ERC1: variants seen among roughly 807,000 people sequenced by gnomAD.
The protein encoded by ERC1 is ELKS/RAB6-interacting/CAST family member 1, also known as RAB6 interacting protein 2.
ERC1 carries 56 observed loss-of-function variants against 132.0 expected under a neutral mutation model. The observed-to-expected ratio is 0.42, with a 90% CI of 0.34 to 0.53. ERC1 has a LOEUF of 0.53. Ranked by LOEUF, ERC1 falls within the 20% of genes least tolerant of loss-of-function variation. ERC1 has a pLI of 0.03. For missense variants in ERC1, 1,202 were observed against 1,349.9 expected, an observed-to-expected ratio of 0.89 and a Z score of 1.72; for synonymous variants, 478 against 476.1, an observed-to-expected ratio of 1.00 and a Z score of -0.05.
intron 8 of ERC1, among the ~76,000 whole-genome samples, chr12:1,161,028 G>A (rs1951839052): frequency 6.6e-6 from 1 of 152,138 alleles, no homozygotes; most frequent in African/African-American, 2.4e-5. Flanking sequence ...TTTCCTTAAT[G>A]AGTACATTTG....
At chr12:1,484,911 C>T (rs548092604) in intron 18 of ERC1, among the ~76,000 whole-genome samples, 26 of 147,224 alleles carry the variant, frequency 1.8e-4, no homozygotes, top group Non-Finnish European at 3.1e-4. Flanking sequence ...GACAGGGTCT[C>T]GCTGTGTTGC....
chr12:1,381,942 G>C (rs988122230), intron 16 of ERC1, among the ~76,000 whole-genome samples: 2 of 122,360 alleles, frequency 1.6e-5, no homozygotes, highest in Admixed American at 7.4e-5. Context: ...GAAAGAGAAA[G>C]AAACTTTTCA....
At chr12:1,017,180 A>G (rs1328105053) in intron 1 of ERC1, among the ~76,000 whole-genome samples, 1 of 151,856 alleles carries the variant, frequency 6.6e-6, no homozygotes, top group African/African-American at 2.4e-5. Context: ...TATTTTTAGT[A>G]GAGACGGGGT....
chr12:1,447,458 A>G (rs1317954069), intron 18 of ERC1, among the ~76,000 whole-genome samples: 2 of 150,580 alleles, frequency 1.3e-5, no homozygotes, highest in Non-Finnish European at 3.0e-5. Flanking sequence ...CGTGGCTACA[A>G]TGAGCTGAGA....
chr12:1,239,640 C>T (rs560468429), intron 13 of ERC1, among the ~76,000 whole-genome samples: 1 of 152,288 alleles, frequency 6.6e-6, no homozygotes. Flanking sequence ...ATTGCTTTAT[C>T]CCAGGAGTTC....
intron 16 of ERC1, among the ~76,000 whole-genome samples, chr12:1,396,627 T>C (rs1012317427): frequency 8.5e-5 from 13 of 152,204 alleles, no homozygotes; most frequent in Admixed American, 2.0e-4. Flanking sequence ...TCTAAAAATT[T>C]GTCATGTGTG....
chr12:1,294,063 G>T (rs7966580), intron 15 of ERC1, among the ~76,000 whole-genome samples: 4,706 of 152,222 alleles, frequency 0.031, 255 homozygotes, highest in African/African-American at 0.11. Context: ...AAATTATGAA[G>T]CAAAGTTTAT....
intron 13 of ERC1, among the ~76,000 whole-genome samples, chr12:1,251,952 G>T (rs2076495097): frequency 1.3e-5 from 2 of 151,994 alleles, no homozygotes; most frequent in African/African-American, 4.8e-5. Context: ...GCATTTGGAA[G>T]GAAAAGTCTC....
chr12:1,141,530 C>T, intron 7 of ERC1, 90 bp from the exon 8 acceptor site: 1 of 1,066,342 alleles, frequency 9.4e-7, no homozygotes, highest in Non-Finnish European at 1.3e-6. Flanking sequence ...CAAAACTCAA[C>T]CTCTTTATAA....
intron 2 of ERC1, among the ~76,000 whole-genome samples, chr12:1,066,277 G>A (rs1289862759): frequency 1.3e-5 from 2 of 152,140 alleles, no homozygotes; most frequent in Admixed American, 6.5e-5. Flanking sequence ...AGGATTTACC[G>A]GGAGCTGGAG....
intron 2 of ERC1, among the ~76,000 whole-genome samples, chr12:1,055,639 G>A (rs995110101): frequency 2.0e-5 from 3 of 152,188 alleles, no homozygotes; most frequent in Admixed American, 6.5e-5. Flanking sequence ...TATATATAGT[G>A]TATATATGTA....
Position 1,476,029 on chromosome 12 carries a change from C to T in ERC1, c.3214-14064C>T, listed in dbSNP as rs575869181. On this transcript the variant is annotated intron_variant, in intron 18 of 18. Coordinates refer to ENST00000360905, the MANE Select transcript of ERC1 (RefSeq NM_178040.4). ...CTGTAATCCCAGCACTTTGGGAGGC[C>T]GAGGTGGGTGGATCACACGGTCAGG... Among the ~76,000 whole-genome samples, 30 of 151,472 alleles carry T rather than the reference C, an allele frequency of 2.0e-4. No homozygotes were observed. In the East Asian group the frequency reaches 4.7e-3, roughly 24 times the overall value.
intron 15 of ERC1, among the ~76,000 whole-genome samples, chr12:1,363,153 A>T (rs1391429491): frequency 1.3e-5 from 2 of 152,172 alleles, no homozygotes; most frequent in African/African-American, 2.4e-5. Context: ...ATTAGAATAC[A>T]GTTCATTTTT....
chr12:1,455,266 A>G (rs967608053), intron 18 of ERC1, among the ~76,000 whole-genome samples: 4 of 152,198 alleles, frequency 2.6e-5, no homozygotes, highest in Non-Finnish European at 5.9e-5. Flanking sequence ...TGTACAACAG[A>G]TTAACATTAA....
chr12:1,115,802 A>G lies in ERC1; in HGVS notation c.1402-64A>G, dbSNP rs564830185. On this transcript the variant is annotated intron_variant, in intron 6 of 18. Coordinates refer to ENST00000360905, the MANE Select transcript of ERC1 (RefSeq NM_178040.4). ...ATATTTTGTGACTCAGATCTGTGAA[A>G]GATACAGATAAGAGGTGTTTGTTTT... 1.4e-5 allele frequency: 19 copies of G among 1,345,032 alleles called. No homozygotes were observed. In the East Asian group the frequency reaches 2.7e-4, roughly 19 times the overall value. 83.3% of individuals were successfully genotyped at this position (1,345,032 alleles called of 1,614,324 possible). A position where few individuals can be genotyped will look rare whatever the true frequency, so the allele number is the denominator to read the frequency against.
chr12:1,411,654 T>G (rs750444389), intron 17 of ERC1, among the ~76,000 whole-genome samples: 1 of 152,176 alleles, frequency 6.6e-6, no homozygotes, highest in Non-Finnish European at 1.5e-5. Flanking sequence ...GGTAGGTATT[T>G]GTCATCATCA....
chr12:1,396,781 A>G (rs2090577892), intron 16 of ERC1, among the ~76,000 whole-genome samples: 1 of 152,192 alleles, frequency 6.6e-6, no homozygotes, highest in African/African-American at 2.4e-5. Flanking sequence ...AAATGCCTAT[A>G]CAGAGAATGG....
chr12:1,301,001 A>G (rs1594861246), intron 15 of ERC1, among the ~76,000 whole-genome samples: 1 of 150,670 alleles, frequency 6.6e-6, no homozygotes, highest in Non-Finnish European at 1.5e-5. Flanking sequence ...ATGAAATATT[A>G]CTCAGCCGTT....
intron 13 of ERC1, among the ~76,000 whole-genome samples, chr12:1,258,792 A>G (rs1472131385): frequency 6.6e-6 from 1 of 152,264 alleles, no homozygotes; most frequent in Non-Finnish European, 1.5e-5. Context: ...TCTGTAAAAT[A>G]TTGCCGTGAA....
Sources: gnomAD v4.1 joint callset for allele counts (sites outside exome capture counted in the v4.1 genomes callset) on GRCh38, gnomAD v4.1.1 for gene constraint, MANE v1.5 for transcripts, NCBI Gene and HGNC (gene_info 2026-07-23, HGNC 2026-07-21) for gene names.